ALCAM: variants seen among roughly 807,000 people sequenced by gnomAD.
ALCAM encodes CD166 antigen.
Under a neutral mutation model 70.9 loss-of-function variants are expected in ALCAM, and 30 were observed. The observed-to-expected ratio is 0.42, with a 90% CI of 0.32 to 0.57. The LOEUF (loss-of-function observed/expected upper bound fraction) is 0.57. ALCAM is among the 20% of genes least tolerant of loss of function. The pLI is 0.11. For synonymous variants in ALCAM, 249 were observed against 242.5 expected, an observed-to-expected ratio of 1.03 and a Z score of -0.25; for missense variants, 591 against 695.1, an observed-to-expected ratio of 0.85 and a Z score of 1.68.
At chr3:105,420,620 G>A (rs1936624758) in intron 1 of ALCAM, among the ~76,000 whole-genome samples, 1 of 151,570 alleles carries the variant, frequency 6.6e-6, no homozygotes. Flanking sequence ...ATTTATTAAT[G>A]CCACTCCTGG....
In ALCAM at chr3:105,524,459, A is replaced by G. The variant is rs1372510223; in HGVS notation, c.345A>G (p.Leu115=). Residue 115 remains leucine (L), a synonymous_variant, in exon 3 of 16, where the codon CTA becomes CTG. Coordinates refer to ENST00000306107, the MANE Select transcript of ALCAM (RefSeq NM_001627.4). ...ATGAAAAGAGATTTGTGTGCATGCT[A>G]GTAACTGAGGACAACGTGTTTGAGG... ...ISDEKRFVCM[L]VTEDNVFEAP... is the part of the protein sequence containing the mutation. 1 of 1,614,110 alleles carries G rather than the reference A, an allele frequency of 6.2e-7. No individual in the cohort carries two copies. The highest frequency in any genetic ancestry group is 8.5e-7 in the Non-Finnish European group (1 of 1,179,964).
intron 1 of ALCAM, among the ~76,000 whole-genome samples, chr3:105,507,669 T>C (rs901279): frequency 0.34 from 51,326 of 152,058 alleles, 8,800 homozygotes; most frequent in Admixed American, 0.38. Flanking sequence ...ATTCATCTGT[T>C]GAAGGACATC....
intron 1 of ALCAM, among the ~76,000 whole-genome samples, chr3:105,393,054 A>T (rs1054536802): frequency 6.6e-6 from 1 of 151,898 alleles, no homozygotes; most frequent in African/African-American, 2.4e-5. Flanking sequence ...ATGAAACTTT[A>T]GGATAACAGT....
intron 8 of ALCAM, chr3:105,544,782 T>C: frequency 5.8e-6 from 1 of 171,268 alleles, no homozygotes; most frequent in Non-Finnish European, 1.3e-5. Flanking sequence ...GAAACACAAC[T>C]ACTATCTCAT....
At chr3:105,495,185 G>T (rs1294371621) in intron 1 of ALCAM, among the ~76,000 whole-genome samples, 1 of 152,174 alleles carries the variant, frequency 6.6e-6, no homozygotes, top group African/African-American at 2.4e-5. Context: ...GCTTGTGAAA[G>T]CTATGTGGAC....
chr3:105,537,609 G>A (rs548175946), intron 6 of ALCAM, among the ~76,000 whole-genome samples: 4 of 152,200 alleles, frequency 2.6e-5, no homozygotes, highest in African/African-American at 9.6e-5. Context: ...CTATGCATAT[G>A]CTGTCATTTT....
intron 1 of ALCAM, among the ~76,000 whole-genome samples, chr3:105,488,914 T>A (rs1316870411): frequency 6.6e-6 from 1 of 152,208 alleles, no homozygotes; most frequent in Non-Finnish European, 1.5e-5. Context: ...TTTATAATGT[T>A]CCTTAAGGAT....
At chr3:105,527,480 G>A (rs9843750) in intron 3 of ALCAM, among the ~76,000 whole-genome samples, 15,066 of 152,118 alleles carry the variant, frequency 0.099, 786 homozygotes, top group Non-Finnish European at 0.12. Flanking sequence ...TCTGATGCTA[G>A]GATCTTGTTC....
intron 1 of ALCAM, among the ~76,000 whole-genome samples, chr3:105,513,112 A>T (rs998608789): frequency 7.1e-6 from 1 of 140,236 alleles, no homozygotes; most frequent in African/African-American, 2.7e-5. Context: ...ACGCATACAG[A>T]GCATGAAGTA....
intron 12 of ALCAM, among the ~76,000 whole-genome samples, chr3:105,551,834 T>C (rs1940415588): frequency 1.3e-5 from 2 of 151,540 alleles, no homozygotes; most frequent in Non-Finnish European, 3.0e-5. Flanking sequence ...AAAAAAAGAA[T>C]GACTATTAAA....
At chr3:105,380,859 A>G (rs957278985) in intron 1 of ALCAM, among the ~76,000 whole-genome samples, 2 of 151,974 alleles carry the variant, frequency 1.3e-5, no homozygotes, top group Middle Eastern at 3.2e-3. Context: ...GCTTTGTGAT[A>G]AAGGCCTGTG....
At chr3:105,448,966 C>T (rs1937360092) in intron 1 of ALCAM, among the ~76,000 whole-genome samples, 1 of 152,126 alleles carries the variant, frequency 6.6e-6, no homozygotes, top group African/African-American at 2.4e-5. Context: ...TGCTTTTAGG[C>T]TCTTTGAATT....
chr3:105,504,568 AGCCCACG>A (rs1939013766), intron 1 of ALCAM, among the ~76,000 whole-genome samples: 1 of 144,260 alleles, frequency 6.9e-6, no homozygotes, highest in Non-Finnish European at 1.5e-5. Flanking sequence ...TGTTTCTGCA[AGCCCACG>A]GCCTGCCGGC....
At chr3:105,452,315 C>T (rs1343020842) in intron 1 of ALCAM, among the ~76,000 whole-genome samples, 1 of 152,020 alleles carries the variant, frequency 6.6e-6, no homozygotes, top group African/African-American at 2.4e-5. Flanking sequence ...GAGAGTCGAA[C>T]ATGCAGTATT....
chr3:105,391,866 A>G (rs918944107), intron 1 of ALCAM, among the ~76,000 whole-genome samples: 1 of 151,926 alleles, frequency 6.6e-6, no homozygotes, highest in Non-Finnish European at 1.5e-5. Context: ...TGTTTATGTG[A>G]TGAATTACAT....
At chr3:105,433,983 T>TC (rs1936995143) in intron 1 of ALCAM, among the ~76,000 whole-genome samples, 1 of 151,696 alleles carries the variant, frequency 6.6e-6, no homozygotes. Flanking sequence ...CTGATGTCCA[T>TC]CCCCCAAAAC....
At position 105,382,368 on chromosome 3, in the gene ALCAM, T is replaced by G. The variant is rs139699324; in HGVS notation, c.73+14887T>G. On this transcript the variant is annotated intron_variant, in intron 1 of 15. Coordinates refer to ENST00000306107, the MANE Select transcript of ALCAM (RefSeq NM_001627.4). ...TGGACATTTGGGTTCTTTCCAAGTCTTTGCTCTTGTGAATAGTGCCACAAT... is the reference window on the plus strand; with the variant it reads ...TGGACATTTGGGTTCTTTCCAAGTCGTTGCTCTTGTGAATAGTGCCACAAT... Among the ~76,000 whole-genome samples, 30 of 152,224 alleles carry G rather than the reference T, an allele frequency of 2.0e-4. No homozygotes were observed. In the East Asian group the frequency reaches 5.4e-3, roughly 27 times the overall value.
At chr3:105,530,656 C>A (rs1385768728) in intron 3 of ALCAM, among the ~76,000 whole-genome samples, 2 of 151,890 alleles carry the variant, frequency 1.3e-5, no homozygotes, top group African/African-American at 4.8e-5. Flanking sequence ...AATTATATTT[C>A]TAGAATTAAT....
chr3:105,534,529 A>G (rs1939921123), intron 5 of ALCAM, 134 bp from the exon 6 acceptor site: 2 of 790,460 alleles, frequency 2.5e-6, no homozygotes, highest in Non-Finnish European at 4.2e-6. Flanking sequence ...TAACCTCACT[A>G]CATGTCAATT....
Sources: allele counts gnomAD v4.1 joint callset (sites outside exome capture counted in the v4.1 genomes callset), GRCh38; gene constraint gnomAD v4.1.1; transcripts MANE v1.5; gene names NCBI Gene and HGNC (gene_info 2026-07-23, HGNC 2026-07-21).